The following ANKRD30B variants were observed in gnomAD, a reference collection of about 807,000 sequenced individuals.
The protein encoded by ANKRD30B is ankyrin repeat domain 30B.
In ANKRD30B, 144 loss-of-function variants were observed where a neutral mutation model predicts 202.2. The ratio of observed to expected loss-of-function variants is 0.71; its 90% CI spans 0.62 to 0.82. The LOEUF is 0.82. Ranked by LOEUF, ANKRD30B falls within the 40% of genes least tolerant of loss-of-function variation. The pLI is 0.00. For synonymous variants in ANKRD30B, 508 were observed against 561.3 expected (o/e 0.91, Z 1.34); for missense variants, 1,487 against 1,669.1 (o/e 0.89, Z 1.90).
intron 28 of ANKRD30B, among the ~76,000 whole-genome samples, chr18:14,811,099 G>T (rs1208454346): frequency 2.6e-5 from 4 of 151,338 alleles, no homozygotes; most frequent in Non-Finnish European, 5.9e-5. Context: ...GACAGAGTGA[G>T]ACTCCATCTC....
rs752487331 is a variant in ANKRD30B, at chr18:14,791,386, T to A, written c.1735-15T>A. On this transcript the variant is annotated splice_polypyrimidine_tract_variant and intron_variant, in intron 15 of 43. Transcript: ENST00000690538. ...TTTTTTCATTGAAATTATTTATTGA[T>A]ATTACTTTTAACAGAGTCCCTGTGA... The A allele has an allele frequency of 9.5e-6, 15 of 1,573,718 alleles. No homozygotes were observed. The highest frequency in any genetic ancestry group is 1.3e-5 in the Non-Finnish European group (15 of 1,156,708).
At chr18:14,873,266 C>G in the ANKRD30B span, among the ~76,000 whole-genome samples, 2 of 152,060 alleles carry the variant, frequency 1.3e-5, no homozygotes, top group Non-Finnish European at 2.9e-5. Context: ...TGGCTCACAC[C>G]TGTAATCCCA....
At position 14,779,883 on chromosome 18, in the gene ANKRD30B, A is replaced by T. The variant is rs1170254337; in HGVS notation, c.1421-77A>T. On this transcript the variant is annotated intron_variant, in intron 10 of 43. Coordinates refer to ENST00000690538, the MANE Select transcript of ANKRD30B (RefSeq NM_001367607.2). ...AAGAAAGTCCACAGATTCATGAATGAAAATAGATTTGTATATGTTTTTAAA... is the reference window on the plus strand; with the variant it reads ...AAGAAAGTCCACAGATTCATGAATGTAAATAGATTTGTATATGTTTTTAAA... 1.2e-5 allele frequency: 12 copies of T among 1,026,946 alleles called. No homozygotes were observed. The African/African-American group carries it at 1.5e-4, about 13-fold the overall frequency. 63.6% of individuals were successfully genotyped at this position (1,026,946 alleles called of 1,614,324 possible). A position where few individuals can be genotyped will look rare whatever the true frequency, so the allele number is the denominator to read the frequency against.
chr18:14,784,288 T>G (rs1213098752), intron 12 of ANKRD30B, 48 bp from the exon 13 acceptor site: 3 of 1,579,574 alleles, frequency 1.9e-6, no homozygotes, highest in Non-Finnish European at 2.6e-6. Flanking sequence ...CTCGGTTGGC[T>G]TTGTCATATT....
chr18:14,836,926 T>G (rs1408316754), intron 34 of ANKRD30B, among the ~76,000 whole-genome samples: 2 of 152,160 alleles, frequency 1.3e-5, no homozygotes, highest in Non-Finnish European at 2.9e-5. Flanking sequence ...CTTTGTGCCC[T>G]TATGTATTTT....
intron 39 of ANKRD30B, among the ~76,000 whole-genome samples, chr18:14,846,754 T>G: frequency 6.6e-6 from 1 of 152,174 alleles, no homozygotes; most frequent in South Asian, 2.1e-4. Context: ...TCAGCCTTCT[T>G]TTTTCAAGTG....
the ANKRD30B span, among the ~76,000 whole-genome samples, chr18:14,937,876 C>CTG: frequency 6.6e-6 from 1 of 152,214 alleles, no homozygotes. Flanking sequence ...GCAAAGGCCC[C>CTG]TGGCGTCTCT....
chr18:14,933,450 C>A, the ANKRD30B span, among the ~76,000 whole-genome samples: 1 of 152,026 alleles, frequency 6.6e-6, no homozygotes, highest in Non-Finnish European at 1.5e-5. Flanking sequence ...CTGCAGAGAG[C>A]AAGGGGCAGG....
Position 14,809,396 on chromosome 18 carries a change from A to G in ANKRD30B, c.2387-590A>G, listed in dbSNP as rs1423682219. 2.0e-5 allele frequency among the ~76,000 whole-genome samples: 3 copies of G among 150,910 alleles called. 1 individual carries two copies. The highest frequency in any genetic ancestry group is 1.3e-4 in the Admixed American group (2 of 15,216). On this transcript the variant is annotated intron_variant, in intron 26 of 43. Coordinates refer to ENST00000690538, the MANE Select transcript of ANKRD30B (RefSeq NM_001367607.2). ...AGCAAAAGCTGGTTAGAAACAATCC[A>G]TAGAAACACAATGTGAAGCTAGACA...
At position 14,755,046 on chromosome 18, in the gene ANKRD30B, G is replaced by A. The variant is rs748854103; in HGVS notation, c.617+41G>A. 3 of 1,117,932 alleles carry A rather than the reference G, an allele frequency of 2.7e-6. No individual in the cohort carries two copies. The African/African-American group carries it at 4.8e-5, about 18-fold the overall frequency. The allele number at this position is 1,117,932 out of a possible 1,614,324, so 69.3% of individuals were successfully genotyped here. A position where few individuals can be genotyped will look rare whatever the true frequency, so the allele number is the denominator to read the frequency against. ...TTTTTTACTAAAAAACACTTGACTA[G>A]TGTTCTAGAGTAATAATGCTCAAGT... On this transcript the variant is annotated intron_variant, in intron 4 of 43. Transcript: ENST00000690538.
intron 30 of ANKRD30B, chr18:14,817,015 T>C (rs1970148324): frequency 6.6e-6 from 1 of 152,078 alleles, no homozygotes; most frequent in Non-Finnish European, 1.5e-5. Context: ...AAATGACGAG[T>C]TAATGGGAAC....
Position 14,763,787 on chromosome 18 carries a change from C to G in ANKRD30B, c.922C>G (p.Arg308Gly). Reference protein sequence around the residue: ...LLEKTPDEAARLVEGTSAKIQ... With the variant: ...LLEKTPDEAAGLVEGTSAKIQ... ...GGAAAAAACACCTGACGAGGCTGCA[C>G]GCTTGGTGGAGGGAACGTCTGCCAA... The change falls in exon 7 of 44, where the codon CGC (arginine) becomes GGC (glycine). Residue 308 changes from arginine to glycine, a missense_variant. Around this residue, in one of 6 missense-constraint regions of ANKRD30B, gnomAD observed 889 missense variants for 841.4 expected, o/e 1.06. Transcript: ENST00000690538. 6.2e-7 allele frequency: 1 copy of G among 1,613,954 alleles called. No homozygotes were observed. Among genetic ancestry groups the G allele is most frequent in the East Asian group, 2.2e-5 (1 of 44,876 alleles).
chr18:14,908,594 G>A, the ANKRD30B span, among the ~76,000 whole-genome samples: 1 of 152,156 alleles, frequency 6.6e-6, no homozygotes, highest in Non-Finnish European at 1.5e-5. Context: ...TCATCCATGT[G>A]TTCGTGTGCT....
chr18:14,818,557 T>C lies in ANKRD30B; in HGVS notation c.2641+3846T>C, dbSNP rs989819712. The stretch of plus-strand genomic sequence containing the variant: ...CCCCAGAGTGTGATGTTCCCCTTCC[T>C]GTGTCCATGTGTTCTCATTGTTCAT... On this transcript the variant is annotated intron_variant, in intron 30 of 43. Transcript: ENST00000690538. Among the ~76,000 whole-genome samples, 73 of 128,840 alleles carry C rather than the reference T, an allele frequency of 5.7e-4. 2 individuals are homozygous for C. The South Asian group carries it at 0.017, about 31-fold the overall frequency. The allele number at this position is 128,840 out of a possible 152,430, so 84.5% of individuals were successfully genotyped here.
At chr18:14,832,580 A>G (rs928033057) in intron 34 of ANKRD30B, among the ~76,000 whole-genome samples, 5 of 152,206 alleles carry the variant, frequency 3.3e-5, no homozygotes, top group Admixed American at 6.5e-5. Flanking sequence ...ATCCTAGTGT[A>G]CCCAGAATAC....
At chr18:14,809,870 G>A in intron 26 of ANKRD30B, 116 bp from the exon 27 acceptor site, 10 of 1,036,208 alleles carry the variant, frequency 9.7e-6, no homozygotes, top group Non-Finnish European at 1.5e-5. Context: ...AAAACCTAGT[G>A]TAATCCCTTT....
chr18:14,936,233 G>A, the ANKRD30B span, among the ~76,000 whole-genome samples: 54 of 152,216 alleles, frequency 3.5e-4, no homozygotes, highest in Non-Finnish European at 7.1e-4. Flanking sequence ...TCGACACTGT[G>A]AAAGGACTGT....
At chr18:14,760,983 C>A (rs1029082022) in intron 6 of ANKRD30B, among the ~76,000 whole-genome samples, 1 of 151,980 alleles carries the variant, frequency 6.6e-6, no homozygotes, top group African/African-American at 2.4e-5. Context: ...ACTTGTTATA[C>A]AATGTATAAT....
chr18:14,786,106 G>A (rs1173912443), intron 14 of ANKRD30B, among the ~76,000 whole-genome samples: 1 of 144,558 alleles, frequency 6.9e-6, no homozygotes, highest in Non-Finnish European at 1.5e-5. Flanking sequence ...AATGATAAAT[G>A]TACTGTTAAT....
Sources: gnomAD v4.1 joint callset for allele counts (sites outside exome capture counted in the v4.1 genomes callset) on GRCh38, gnomAD v4.1.1 for gene constraint, gnomAD v4.1.1 regional missense constraint, MANE v1.5 for transcripts, NCBI Gene and HGNC (gene_info 2026-07-23, HGNC 2026-07-21) for gene names.